The following SLC44A5 variants were observed in gnomAD, a reference collection of about 807,000 sequenced individuals.
SLC44A5 encodes the protein solute carrier family 44 member 5.
In SLC44A5, 57 loss-of-function variants were observed where a neutral mutation model predicts 101.8. That is an observed-to-expected ratio of 0.56 (90% CI 0.45 to 0.70). The LOEUF is 0.70. Ranked by LOEUF, SLC44A5 falls within the 30% of genes least tolerant of loss-of-function variation. The pLI, the probability that SLC44A5 is intolerant of heterozygous loss-of-function variation, is 0.00. For synonymous variants in SLC44A5, 281 were observed against 290.9 expected, an observed-to-expected ratio of 0.97 and a Z score of 0.35; for missense variants, 737 against 853.1, an observed-to-expected ratio of 0.86 and a Z score of 1.70.
intron 6 of SLC44A5, among the ~76,000 whole-genome samples, chr1:75,271,024 A>G (rs565426247): frequency 6.6e-6 from 1 of 152,214 alleles, no homozygotes; most frequent in Non-Finnish European, 1.5e-5. Flanking sequence ...CACAGTGTGA[A>G]GGTTGCAAAG....
chr1:75,605,927 T>A (rs530995757), intron 1 of SLC44A5, among the ~76,000 whole-genome samples: 1 of 152,102 alleles, frequency 6.6e-6, no homozygotes, highest in East Asian at 1.9e-4. Context: ...ATTGACAATT[T>A]GCACTAGGTA....
intron 9 of SLC44A5, 83 bp from the exon 10 acceptor site, chr1:75,238,719 T>C: frequency 1.1e-6 from 1 of 918,580 alleles, no homozygotes; most frequent in Non-Finnish European, 1.5e-6. Flanking sequence ...CTTTCTGTTA[T>C]ATATAATCAA....
At chr1:75,284,008 AT>A (rs1188804426) in intron 5 of SLC44A5, among the ~76,000 whole-genome samples, 1 of 151,992 alleles carries the variant, frequency 6.6e-6, no homozygotes, top group Non-Finnish European at 1.5e-5. Flanking sequence ...TTCCATATGA[AT>A]TTTAAGATTG....
At chr1:75,225,647 C>T (rs539403878) in intron 13 of SLC44A5, among the ~76,000 whole-genome samples, 42 of 152,146 alleles carry the variant, frequency 2.8e-4, no homozygotes, top group Non-Finnish European at 3.8e-4. Flanking sequence ...TATAACTCTG[C>T]CTACTTTCAG....
intron 1 of SLC44A5, among the ~76,000 whole-genome samples, chr1:75,552,002 T>C (rs546295511): frequency 3.9e-5 from 6 of 152,282 alleles, no homozygotes; most frequent in Admixed American, 3.9e-4. Flanking sequence ...TAGTGTTTTC[T>C]CATTTGGGCA....
chr1:75,587,714 C>G (rs1243967823), intron 1 of SLC44A5, among the ~76,000 whole-genome samples: 2 of 152,142 alleles, frequency 1.3e-5, no homozygotes, highest in Non-Finnish European at 2.9e-5. Context: ...GCAATAAAGC[C>G]TGATTGAAAG....
intron 4 of SLC44A5, among the ~76,000 whole-genome samples, chr1:75,304,467 AG>A: frequency 6.6e-6 from 1 of 152,298 alleles, no homozygotes; most frequent in East Asian, 1.9e-4. Context: ...ATCAAAATAT[AG>A]CTTGGGCACC....
intron 1 of SLC44A5, among the ~76,000 whole-genome samples, chr1:75,562,495 C>T (rs897128172): frequency 1.3e-5 from 2 of 151,944 alleles, no homozygotes; most frequent in African/African-American, 4.8e-5. Flanking sequence ...CCCAGGAGTT[C>T]AAGGCCAGCC....
chr1:75,376,954 A>G (rs1424203457), intron 3 of SLC44A5, among the ~76,000 whole-genome samples: 1 of 152,328 alleles, frequency 6.6e-6, no homozygotes, highest in African/African-American at 2.4e-5. Context: ...ATGTAAAACT[A>G]GAATAACCAA....
At chr1:75,454,941 G>A (rs1231401791) in intron 2 of SLC44A5, among the ~76,000 whole-genome samples, 4 of 152,006 alleles carry the variant, frequency 2.6e-5, no homozygotes, top group African/African-American at 4.8e-5. Flanking sequence ...TCATTAAAAT[G>A]AACATACTGC....
chr1:75,203,383 T>C lies in SLC44A5; in HGVS notation c.*344A>G, dbSNP rs1646694837. ...TTTAGTTGTAATTTTAAAAATATAT[T>C]AGGAGCTATCAATTTAAGTAATGTA... On this transcript the variant is annotated 3_prime_UTR_variant, in exon 24 of 24. Transcript: ENST00000370859. 1 of 162,906 alleles carries C rather than the reference T, an allele frequency of 6.1e-6. No individual in the cohort carries two copies. Among genetic ancestry groups the C allele is most frequent in the Admixed American group, 6.4e-5 (1 of 15,582 alleles). The allele number at this position is 162,906 out of a possible 1,614,324, so 10.1% of individuals were successfully genotyped here. A position where few individuals can be genotyped will look rare whatever the true frequency, so the allele number is the denominator to read the frequency against.
At chr1:75,483,707 T>C (rs937520954) in intron 2 of SLC44A5, among the ~76,000 whole-genome samples, 1 of 152,182 alleles carries the variant, frequency 6.6e-6, no homozygotes, top group Non-Finnish European at 1.5e-5. Context: ...GACTAGATGA[T>C]CTCTAAGAAA....
At chr1:75,359,884 C>G (rs760371320) in intron 3 of SLC44A5, among the ~76,000 whole-genome samples, 4 of 152,176 alleles carry the variant, frequency 2.6e-5, no homozygotes, top group Admixed American at 2.6e-4. Context: ...TGATACCTCA[C>G]TGTGATTTTA....
At chr1:75,249,272 G>A (rs1471567733) in intron 7 of SLC44A5, among the ~76,000 whole-genome samples, 3 of 151,968 alleles carry the variant, frequency 2.0e-5, no homozygotes, top group African/African-American at 2.4e-5. Flanking sequence ...TATAGTTACC[G>A]GCACATGGAA....
upstream of SLC44A5, among the ~76,000 whole-genome samples, chr1:75,614,245 T>C (rs540221440): frequency 6.6e-6 from 1 of 152,344 alleles, no homozygotes; most frequent in African/African-American, 2.4e-5. Context: ...GGTGAATATA[T>C]TCTCTCTTCT....
At chr1:75,544,167 C>T (rs749362700) in intron 1 of SLC44A5, among the ~76,000 whole-genome samples, 1 of 152,020 alleles carries the variant, frequency 6.6e-6, no homozygotes, top group Non-Finnish European at 1.5e-5. Flanking sequence ...TTATCAAGGG[C>T]GTCGGTTGCT....
the SLC44A5 span, among the ~76,000 whole-genome samples, chr1:75,685,226 T>C: frequency 0.089 from 13,507 of 152,168 alleles, 817 homozygotes; most frequent in Non-Finnish European, 0.13. Flanking sequence ...CATTTTTTTT[T>C]CCTGGGCCTC....
intron 5 of SLC44A5, among the ~76,000 whole-genome samples, chr1:75,278,386 CT>C (rs1652107173): frequency 6.6e-6 from 1 of 152,050 alleles, no homozygotes; most frequent in African/African-American, 2.4e-5. Context: ...TCAAGGGCTT[CT>C]TTAAGGTGAT....
the SLC44A5 span, among the ~76,000 whole-genome samples, chr1:75,636,241 A>T: frequency 7.9e-5 from 12 of 152,196 alleles, no homozygotes; most frequent in African/African-American, 2.6e-4. Context: ...AATGATGGTG[A>T]TTACAGCTCA....
Sources: gnomAD v4.1 joint callset for allele counts (sites outside exome capture counted in the v4.1 genomes callset) on GRCh38, gnomAD v4.1.1 for gene constraint, MANE v1.5 for transcripts, NCBI Gene and HGNC (gene_info 2026-07-23, HGNC 2026-07-21) for gene names.